DMD: variants seen among roughly 807,000 people sequenced by gnomAD.
DMD encodes mutant dystrophin.
DMD carries 63 observed loss-of-function variants against 330.1 expected under a neutral mutation model. The ratio of observed to expected loss-of-function variants is 0.19; its 90% confidence interval spans 0.16 to 0.24. The LOEUF is 0.24. Among genes scored for constraint, DMD ranks in the 10% least tolerant of loss-of-function variants. The pLI, the probability that DMD is intolerant of heterozygous loss-of-function variation, is 1.00. For missense variants in DMD, 3,344 were observed against 2,684.1 expected (o/e 1.25, Z -5.43); for synonymous variants, 1,223 against 959.8 (o/e 1.27, Z -5.07).
intron 2 of DMD, among the ~76,000 whole-genome samples, chrX:32,883,129 T>C (rs900217253): frequency 4.5e-5 from 5 of 111,831 alleles, no homozygotes; most frequent in African/African-American, 1.6e-4. Context: ...TCTCATAATG[T>C]CAGCCAATCC....
Position 31,444,603 on chromosome X carries a change from G to A in DMD, c.8962C>T (p.Leu2988=). Residue 2988 remains leucine (L), a synonymous_variant, in exon 60 of 79, where the codon CTG becomes TTG. Transcript: ENST00000357033. ...VKALRGEIAP[L]KENVSHVNDL... is the part of the protein sequence containing the mutation. ...TTGACGTGGCTCACGTTCTCTTTCA[G>A]AGGCGCAATTTCTCCTCGAAGTGCC... The A allele has an allele frequency of 8.3e-7, 1 of 1,211,566 alleles. No homozygotes were observed. Among genetic ancestry groups the A allele is most frequent in the Non-Finnish European group, 1.1e-6 (1 of 895,491 alleles).
At chrX:32,397,129 G>C in intron 30 of DMD, among the ~76,000 whole-genome samples, 1 of 111,420 alleles carries the variant, frequency 9.0e-6, no homozygotes, top group East Asian at 2.8e-4. Context: ...GGGGATAGAA[G>C]ATTCAATCTG....
At chrX:33,059,041 T>G (rs1293188704) in intron 1 of DMD, among the ~76,000 whole-genome samples, 1 of 112,134 alleles carries the variant, frequency 8.9e-6, no homozygotes, top group Non-Finnish European at 1.9e-5. Flanking sequence ...CTGTTATTAG[T>G]GTATTATAAT....
At chrX:32,830,250 C>A (rs759122394) in intron 4 of DMD, among the ~76,000 whole-genome samples, 1 of 111,301 alleles carries the variant, frequency 9.0e-6, no homozygotes, top group East Asian at 2.8e-4. Context: ...AGTACTATTT[C>A]CTCTTAAATA....
intron 53 of DMD, among the ~76,000 whole-genome samples, chrX:31,668,025 G>A (rs190134312): frequency 4.8e-4 from 54 of 111,737 alleles, no homozygotes; most frequent in African/African-American, 1.7e-3. Context: ...AATCAATGAT[G>A]TTAACCATCT....
chrX:33,269,956 T>TTA (rs1210116382), intron 1 of DMD, among the ~76,000 whole-genome samples: 1 of 109,655 alleles, frequency 9.1e-6, no homozygotes, highest in Non-Finnish European at 1.9e-5. Context: ...CATATGGAGC[T>TTA]TATATATATG....
At chrX:33,084,245 C>A (rs1393798216) in intron 1 of DMD, among the ~76,000 whole-genome samples, 1 of 112,021 alleles carries the variant, frequency 8.9e-6, no homozygotes, top group Non-Finnish European at 1.9e-5. Context: ...GGCAGGTAGC[C>A]ACAGGGGCAA....
chrX:32,416,586 G>A (rs1269494517), intron 29 of DMD, among the ~76,000 whole-genome samples: 2 of 111,809 alleles, frequency 1.8e-5, no homozygotes, highest in African/African-American at 6.5e-5. Flanking sequence ...GCAAAGCAAC[G>A]ACAAAGTCTT....
intron 60 of DMD, among the ~76,000 whole-genome samples, chrX:31,381,902 C>T (rs1266478165): frequency 1.8e-5 from 2 of 111,652 alleles, no homozygotes; most frequent in African/African-American, 6.5e-5. Context: ...ACATCAAGTT[C>T]GAGGATTTGC....
chrX:32,239,783 A>G (rs969967157), intron 43 of DMD, among the ~76,000 whole-genome samples: 7 of 111,798 alleles, frequency 6.3e-5, no homozygotes, highest in African/African-American at 1.6e-4. Context: ...ACAATTAAGA[A>G]TTTAAAAACT....
chrX:32,618,792 C>A (rs2057776992), intron 11 of DMD, among the ~76,000 whole-genome samples: 1 of 110,769 alleles, frequency 9.0e-6, no homozygotes, highest in Admixed American at 9.6e-5. Context: ...AGGAAAAAGG[C>A]ATGTATTACG....
At chrX:31,801,580 T>TCC (rs761209143) in intron 50 of DMD, among the ~76,000 whole-genome samples, 35 of 64,664 alleles carry the variant, frequency 5.4e-4, no homozygotes, top group Admixed American at 1.9e-3. Context: ...AGTGTCCTCA[T>TCC]CCCCCCCCCC....
chrX:32,651,650 G>A (rs577542653), intron 9 of DMD, among the ~76,000 whole-genome samples: 1 of 111,174 alleles, frequency 9.0e-6, no homozygotes, highest in African/African-American at 3.3e-5. Flanking sequence ...AGACAGCAAT[G>A]GGACACAGCC....
At chrX:32,418,120 T>C (rs1186161995) in intron 29 of DMD, among the ~76,000 whole-genome samples, 2 of 111,222 alleles carry the variant, frequency 1.8e-5, no homozygotes, top group East Asian at 5.7e-4. Context: ...CAATTAGATT[T>C]AAGTCTTTAT....
chrX:32,143,226 A>G (rs1480888493), intron 44 of DMD, among the ~76,000 whole-genome samples: 1 of 111,674 alleles, frequency 9.0e-6, no homozygotes, highest in Non-Finnish European at 1.9e-5. Flanking sequence ...TTTCCTCCTC[A>G]TGTTAATCTT....
Position 31,932,206 on chromosome X carries a change from G to A in DMD, c.6636C>T (p.Ile2212=). 2 of 1,190,042 alleles carry A rather than the reference G, an allele frequency of 1.7e-6. No individual in the cohort carries two copies. The highest frequency in any genetic ancestry group is 2.3e-6 in the Non-Finnish European group (2 of 876,502). The change falls in exon 46 of 79, where the codon ATC becomes ATT. Residue 2212 remains isoleucine, a synonymous_variant. Coordinates refer to ENST00000357033, the MANE Select transcript of DMD (RefSeq NM_004006.3). ...TTAAATCTCTTTGAAATTCTGACAA[G>A]ATATTCTTTTGTTCTTCTAGCCTGG... is the stretch of plus-strand genomic sequence containing the variant. ...RKKRLEEQKN[I]LSEFQRDLNE...
In DMD at chrX:32,902,152, CACACAA is replaced by C. The variant is rs1211194831; in HGVS notation, c.94-52338_94-52333del. ...ATTCCTCATAAGCAAGCATCACACACACACAAACACACACACACACACACACACACA... is the reference window on the plus strand; with the variant it reads ...ATTCCTCATAAGCAAGCATCACACACACACACACACACACACACACACACA... On this transcript the variant is annotated intron_variant, in intron 2 of 78. Coordinates refer to ENST00000357033, the MANE Select transcript of DMD (RefSeq NM_004006.3). Among the ~76,000 whole-genome samples the C allele has an allele frequency of 6.6e-3, 475 of 72,147 alleles. 22 individuals carry two copies. Among genetic ancestry groups the C allele is most frequent in the African/African-American group, 0.027 (438 of 16,306 alleles). 62.7% of individuals were successfully genotyped at this position (72,147 alleles called of 115,157 possible).
intron 7 of DMD, among the ~76,000 whole-genome samples, chrX:32,761,308 T>C (rs2072259336): frequency 9.1e-6 from 1 of 110,467 alleles, no homozygotes; most frequent in South Asian, 3.8e-4. Context: ...TCGGTGATGC[T>C]CTTCACAGGA....
chrX:31,226,236 T>C (rs1291902512), intron 63 of DMD, among the ~76,000 whole-genome samples: 2 of 112,161 alleles, frequency 1.8e-5, no homozygotes, highest in African/African-American at 6.5e-5. Context: ...ATAAAGTTTC[T>C]TGTTCCGTGT....
Sources: gnomAD v4.1 joint callset for allele counts (sites outside exome capture counted in the v4.1 genomes callset) on GRCh38, gnomAD v4.1.1 for gene constraint, MANE v1.5 for transcripts, NCBI Gene and HGNC (gene_info 2026-07-23, HGNC 2026-07-21) for gene names.